Variants in SDK1 observed in about 807,000 individuals in gnomAD.
SDK1 encodes the protein sidekick cell adhesion molecule 1.
A neutral mutation model predicts 245.5 loss-of-function variants in SDK1; 157 were observed. The ratio of observed to expected loss-of-function variants is 0.64; its 90% CI spans 0.56 to 0.73. SDK1 has a LOEUF of 0.73. Ranked by LOEUF, SDK1 falls within the 30% of genes least tolerant of loss-of-function variation. SDK1 has a pLI of 0.00. For synonymous variants in SDK1, 1,647 were observed against 1,278.5 expected (o/e 1.29, Z -6.15); for missense variants, 3,583 against 3,002.3 (o/e 1.19, Z -4.52).
chr7:4,231,221 T>G (rs527675632), intron 40 of SDK1, among the ~76,000 whole-genome samples: 1 of 152,112 alleles, frequency 6.6e-6, no homozygotes, highest in African/African-American at 2.4e-5. Context: ...ATTCTGACAT[T>G]ATTAGTGGTG....
intron 9 of SDK1, among the ~76,000 whole-genome samples, chr7:3,965,012 T>C (rs1040963825): frequency 6.6e-6 from 1 of 152,218 alleles, no homozygotes; most frequent in African/African-American, 2.4e-5. Flanking sequence ...AAGCCTATCT[T>C]GCAATCGTGA....
chr7:3,901,607 G>A (rs1781792883), intron 5 of SDK1, among the ~76,000 whole-genome samples: 1 of 152,176 alleles, frequency 6.6e-6, no homozygotes, highest in Admixed American at 6.5e-5. Flanking sequence ...TTTGTCCAAA[G>A]GGAAAGGTGC....
intron 1 of SDK1, among the ~76,000 whole-genome samples, chr7:3,344,064 G>C (rs887451721): frequency 1.4e-5 from 2 of 146,900 alleles, no homozygotes; most frequent in Admixed American, 1.4e-4. Context: ...TTTTCACTAA[G>C]TTTAGTTAGA....
chr7:3,385,108 T>A (rs570751525), intron 1 of SDK1, among the ~76,000 whole-genome samples: 2 of 152,298 alleles, frequency 1.3e-5, no homozygotes, highest in East Asian at 3.9e-4. Flanking sequence ...ACCCTGAATT[T>A]TGGGTCAGGA....
intron 4 of SDK1, among the ~76,000 whole-genome samples, chr7:3,746,906 T>C (rs1197427707): frequency 6.6e-6 from 1 of 152,244 alleles, no homozygotes; most frequent in Admixed American, 6.5e-5. Context: ...GCATCTAGAA[T>C]GATGAATGCT....
intron 4 of SDK1, among the ~76,000 whole-genome samples, chr7:3,787,915 G>A (rs555222521): frequency 2.0e-5 from 3 of 152,282 alleles, no homozygotes; most frequent in South Asian, 2.1e-4. Flanking sequence ...TGTCACATGC[G>A]GTTGCACAGA....
intron 1 of SDK1, among the ~76,000 whole-genome samples, chr7:3,527,721 T>A (rs963816843): frequency 7.5e-6 from 1 of 132,874 alleles, no homozygotes; most frequent in Non-Finnish European, 1.6e-5. Flanking sequence ...AACTAGGGGG[T>A]GAGTGGTAGG....
At chr7:3,995,041 T>C (rs1488427426) in intron 14 of SDK1, among the ~76,000 whole-genome samples, 1 of 152,186 alleles carries the variant, frequency 6.6e-6, no homozygotes, top group Non-Finnish European at 1.5e-5. Flanking sequence ...TTCTTCCGTA[T>C]AGAGGTTCTC....
chr7:4,107,161 T>TGGGGAGGGTGGGGAGGGG (rs1782985548), intron 22 of SDK1, among the ~76,000 whole-genome samples: 4 of 6,584 alleles, frequency 6.1e-4, no homozygotes, highest in Admixed American at 5.1e-3. Flanking sequence ...GTGGGGAGGG[T>TGGGGAGGGTGGGGAGGGG]GGGGCTGCAG....
intron 4 of SDK1, among the ~76,000 whole-genome samples, chr7:3,696,209 A>G (rs1784568479): frequency 6.6e-6 from 1 of 151,230 alleles, no homozygotes; most frequent in South Asian, 2.1e-4. Context: ...CCACTGTGAG[A>G]CTCCCCTAAG....
At position 4,241,822 on chromosome 7, in the gene SDK1, G is replaced by A. The variant is rs372013163; in HGVS notation, c.6160G>A (p.Val2054Met). 1 of 1,614,214 alleles carries A rather than the reference G, an allele frequency of 6.2e-7. No individual in the cohort carries two copies. Among genetic ancestry groups the A allele is most frequent in the Non-Finnish European group, 8.5e-7 (1 of 1,180,042 alleles). The change falls in exon 43 of 45, where the codon GTG becomes ATG. Residue 2054 changes from valine to methionine, a missense_variant. By Grantham distance (21) the Val-to-Met change is conservative. Coordinates refer to ENST00000404826, the MANE Select transcript of SDK1 (RefSeq NM_152744.4). ...GGGGATCTCCACCATGGAGGAGTCT[G>A]TGACCCTGGACAACGGAGGATTTGC... The part of the protein sequence containing the change: ...GKGISTMEES[V>M]TLDNGGFAAL...
chr7:3,757,198 G>T (rs1296562935), intron 4 of SDK1, among the ~76,000 whole-genome samples: 1 of 152,068 alleles, frequency 6.6e-6, no homozygotes, highest in Non-Finnish European at 1.5e-5. Context: ...GACAGACTTT[G>T]AATCGGGGTT....
intron 5 of SDK1, among the ~76,000 whole-genome samples, chr7:3,906,617 CTTTTTTTTTTT>C (rs71032914): frequency 1.9e-4 from 11 of 57,192 alleles, no homozygotes; most frequent in East Asian, 1.5e-3. Context: ...ATTTCAGTGT[CTTTTTTTTTTT>C]TTTTTTTTTT....
chr7:3,406,687 G>C (rs1197198994), intron 1 of SDK1, among the ~76,000 whole-genome samples: 3 of 152,100 alleles, frequency 2.0e-5, no homozygotes, highest in Non-Finnish European at 2.9e-5. Context: ...TTGACACGAG[G>C]GGATGTTTAG....
At chr7:3,311,415 T>A (rs2128543594) in intron 1 of SDK1, among the ~76,000 whole-genome samples, 1 of 152,222 alleles carries the variant, frequency 6.6e-6, no homozygotes, top group Admixed American at 6.5e-5. Flanking sequence ...TAGATTGAAG[T>A]TCATTATGGA....
intron 1 of SDK1, among the ~76,000 whole-genome samples, chr7:3,483,779 T>G (rs2128602928): frequency 6.6e-6 from 1 of 152,344 alleles, no homozygotes; most frequent in East Asian, 1.9e-4. Context: ...GATAGTTACA[T>G]GATGTTTCTC....
At chr7:4,136,958 G>A (rs112316372) in intron 28 of SDK1, among the ~76,000 whole-genome samples, 1 of 152,230 alleles carries the variant, frequency 6.6e-6, no homozygotes, top group Non-Finnish European at 1.5e-5. Context: ...GGGCGATTCA[G>A]TGGCTTGCGG....
intron 30 of SDK1, among the ~76,000 whole-genome samples, chr7:4,152,188 A>G (rs936301568): frequency 2.0e-5 from 3 of 152,180 alleles, no homozygotes; most frequent in African/African-American, 7.2e-5. Context: ...AAATAAGGCA[A>G]TCGGAAGAGT....
intron 4 of SDK1, among the ~76,000 whole-genome samples, chr7:3,812,958 G>C (rs577492811): frequency 6.6e-6 from 1 of 152,174 alleles, no homozygotes; most frequent in South Asian, 2.1e-4. Flanking sequence ...TTGCTTTTAA[G>C]ATGTTTTTCT....
Sources: gnomAD v4.1 joint callset for allele counts (sites outside exome capture counted in the v4.1 genomes callset) on GRCh38, gnomAD v4.1.1 for gene constraint, MANE v1.5 for transcripts, NCBI Gene and HGNC (gene_info 2026-07-23, HGNC 2026-07-21) for gene names.